TBCK: variants seen among roughly 807,000 people sequenced by gnomAD.
TBCK encodes the protein TBC domain-containing protein kinase-like protein.
In TBCK, 99 loss-of-function variants were observed where a neutral mutation model predicts 113.4. The observed-to-expected ratio is 0.87, with a 90% CI of 0.74 to 1.03. The LOEUF is 1.03. Among genes scored for constraint, TBCK ranks in the 50% least tolerant of loss-of-function variants. The pLI, the probability that TBCK is intolerant of heterozygous loss-of-function variation, is 0.00. For missense variants in TBCK, 1,045 were observed against 1,061.3 expected, an observed-to-expected ratio of 0.98 and a Z score of 0.21; for synonymous variants, 369 against 370.8, an observed-to-expected ratio of 1.00 and a Z score of 0.05.
In TBCK at chr4:106,236,533, C is replaced by G; in HGVS notation, c.1221-14G>C. 1 of 1,446,622 alleles carries G rather than the reference C, an allele frequency of 6.9e-7. No individual in the cohort carries two copies. Among genetic ancestry groups the G allele is most frequent in the Non-Finnish European group, 9.1e-7 (1 of 1,101,134 alleles). 89.6% of individuals were successfully genotyped at this position (1,446,622 alleles called of 1,614,324 possible). A position where few individuals can be genotyped will look rare whatever the true frequency, so the allele number is the denominator to read the frequency against. On this transcript the variant is annotated splice_polypyrimidine_tract_variant and intron_variant, in intron 13 of 25. Coordinates refer to ENST00000394708, the MANE Select transcript of TBCK (RefSeq NM_001163435.3). Reference sequence around the variant, plus strand: ...AAATTAGACTGGCTGTAAAAGAGAACAAAAGCAATAAAAAAAAAAAATGGA... The same window carrying G: ...AAATTAGACTGGCTGTAAAAGAGAAGAAAAGCAATAAAAAAAAAAAATGGA...
At chr4:106,291,424 C>T (rs1308621569) in intron 3 of TBCK, among the ~76,000 whole-genome samples, 1 of 152,202 alleles carries the variant, frequency 6.6e-6, no homozygotes, top group African/African-American at 2.4e-5. Flanking sequence ...AACAGTCCTA[C>T]TTAAATTATA....
rs1201513383 is a variant in TBCK, at chr4:106,136,718, A to T, written c.2236-20340T>A. Reference sequence around the variant, plus strand: ...CCTAATTTCCTGAAGCTTAGTTCACAAATAGCCAATCAAAGTTTCTCAGGT... The same window carrying T: ...CCTAATTTCCTGAAGCTTAGTTCACTAATAGCCAATCAAAGTTTCTCAGGT... On this transcript the variant is annotated intron_variant, in intron 23 of 25. Transcript: ENST00000394708. 8.5e-5 allele frequency among the ~76,000 whole-genome samples: 12 copies of T among 140,762 alleles called. 2 individuals are homozygous for T. Among genetic ancestry groups the T allele is most frequent in the Non-Finnish European group, 4.8e-5 (3 of 62,056 alleles). 92.3% of individuals were successfully genotyped at this position (140,762 alleles called of 152,430 possible).
chr4:106,248,048 G>A (rs1023162941), intron 9 of TBCK, 197 bp downstream of exon 9: 5 of 381,792 alleles, frequency 1.3e-5, no homozygotes, highest in African/African-American at 4.2e-5. Context: ...TTTTCTGACC[G>A]TAGTTTAACT....
intron 25 of TBCK, among the ~76,000 whole-genome samples, chr4:106,087,164 G>A (rs1249221296): frequency 6.6e-6 from 1 of 152,198 alleles, no homozygotes; most frequent in Non-Finnish European, 1.5e-5. Context: ...CAGATAACAT[G>A]ATTTTATATT....
intron 3 of TBCK, among the ~76,000 whole-genome samples, chr4:106,263,738 C>T (rs574043401): frequency 3.3e-5 from 5 of 151,746 alleles, no homozygotes; most frequent in South Asian, 2.1e-4. Flanking sequence ...ATTCTCTCTC[C>T]GAAATTAAAA....
chr4:106,195,275 T>C (rs962315772), intron 20 of TBCK, among the ~76,000 whole-genome samples: 44 of 152,282 alleles, frequency 2.9e-4, no homozygotes, highest in African/African-American at 9.6e-4. Context: ...CAAATGTAGA[T>C]GACTCTTTTG....
intron 19 of TBCK, among the ~76,000 whole-genome samples, chr4:106,227,454 T>A (rs1042554702): frequency 2.0e-5 from 3 of 151,952 alleles, no homozygotes. Flanking sequence ...TCTGCTTCCT[T>A]TCTAATTATT....
intron 2 of TBCK, among the ~76,000 whole-genome samples, chr4:106,299,913 C>T (rs1038532653): frequency 3.3e-5 from 5 of 152,156 alleles, no homozygotes; most frequent in African/African-American, 1.2e-4. Context: ...TATGATGTAG[C>T]GTCTCTAGCC....
chr4:106,316,026 C>G lies in TBCK; in HGVS notation c.-125G>C, dbSNP rs939898691. 1 of 152,648 alleles carries G rather than the reference C, an allele frequency of 6.6e-6. No homozygotes were observed. Among genetic ancestry groups the G allele is most frequent in the African/African-American group, 2.4e-5 (1 of 41,442 alleles). The allele number at this position is 152,648 out of a possible 1,614,324, so 9.5% of individuals were successfully genotyped here. A position where few individuals can be genotyped will look rare whatever the true frequency, so the allele number is the denominator to read the frequency against. ...GTCGCTGTGGCTGCTGCTGCCGCTA[C>G]GGCTTAGTGCACCAGACGCTGCATT... On this transcript the variant is annotated 5_prime_UTR_variant, in exon 1 of 26. Transcript: ENST00000394708.
intron 19 of TBCK, among the ~76,000 whole-genome samples, chr4:106,219,468 G>A (rs552693062): frequency 1.4e-4 from 21 of 151,546 alleles, no homozygotes; most frequent in Non-Finnish European, 2.1e-4. Flanking sequence ...GTAGAGATAC[G>A]GTAGGCAATT....
chr4:106,253,341 T>G (rs1191489904), intron 5 of TBCK, among the ~76,000 whole-genome samples: 1 of 152,180 alleles, frequency 6.6e-6, no homozygotes, highest in Non-Finnish European at 1.5e-5. Flanking sequence ...CATAACATTA[T>G]TTATACATTC....
intron 24 of TBCK, among the ~76,000 whole-genome samples, chr4:106,099,829 C>T (rs534443477): frequency 3.3e-5 from 5 of 152,236 alleles, no homozygotes; most frequent in Admixed American, 2.6e-4. Flanking sequence ...TGGAAATACA[C>T]TTGATTTACA....
intron 25 of TBCK, among the ~76,000 whole-genome samples, chr4:106,068,152 T>C (rs1318379957): frequency 6.6e-6 from 1 of 152,116 alleles, no homozygotes; most frequent in Non-Finnish European, 1.5e-5. Flanking sequence ...TTTTATTTTA[T>C]TTTTTATTTT....
At chr4:106,091,563 G>A (rs967185297) in intron 25 of TBCK, among the ~76,000 whole-genome samples, 1 of 152,138 alleles carries the variant, frequency 6.6e-6, no homozygotes, top group African/African-American at 2.4e-5. Context: ...TGGCTCATGA[G>A]TGAAGCTGCA....
chr4:106,071,919 C>A (rs6828362), intron 25 of TBCK, among the ~76,000 whole-genome samples: 42,577 of 151,680 alleles, frequency 0.28, 6,229 homozygotes, highest in Middle Eastern at 0.34. Flanking sequence ...AGGATTGCAA[C>A]CCCTTCCTTT....
intron 2 of TBCK, among the ~76,000 whole-genome samples, chr4:106,304,256 C>T (rs1767264535): frequency 6.6e-6 from 1 of 152,076 alleles, no homozygotes; most frequent in South Asian, 2.1e-4. Context: ...GTGTACCTCC[C>T]TCACACAAAA....
At chr4:106,122,993 C>T (rs1744642228) in intron 23 of TBCK, among the ~76,000 whole-genome samples, 1 of 152,200 alleles carries the variant, frequency 6.6e-6, no homozygotes, top group South Asian at 2.1e-4. Flanking sequence ...TCTCACCACT[C>T]CTATTCAACA....
At chr4:106,311,794 A>G (rs1286833077) in intron 1 of TBCK, among the ~76,000 whole-genome samples, 3 of 152,126 alleles carry the variant, frequency 2.0e-5, no homozygotes, top group African/African-American at 7.2e-5. Flanking sequence ...AATAAAATAA[A>G]TTGATTCTCA....
chr4:106,150,200 A>G (rs1043084834), intron 23 of TBCK, among the ~76,000 whole-genome samples: 1 of 152,190 alleles, frequency 6.6e-6, no homozygotes, highest in African/African-American at 2.4e-5. Flanking sequence ...TCATGAAGAA[A>G]AAGTTAACTT....
Sources: allele counts gnomAD v4.1 joint callset (sites outside exome capture counted in the v4.1 genomes callset), GRCh38; gene constraint gnomAD v4.1.1; transcripts MANE v1.5; gene names NCBI Gene and HGNC (gene_info 2026-07-23, HGNC 2026-07-21).